The following ITGBL1 variants were observed in gnomAD, a reference collection of about 807,000 sequenced individuals.
The protein encoded by ITGBL1 is integrin beta-like protein 1.
ITGBL1 carries 51 observed loss-of-function variants against 68.5 expected under a neutral mutation model. That is an observed-to-expected ratio of 0.74 (90% CI 0.59 to 0.94). ITGBL1 has a LOEUF of 0.94. Ranked by LOEUF, ITGBL1 falls within the 40% of genes least tolerant of loss-of-function variation. The pLI, the probability that ITGBL1 is intolerant of heterozygous loss-of-function variation, is 0.00. For missense variants in ITGBL1, 649 were observed against 647.4 expected, an observed-to-expected ratio of 1.00 and a Z score of -0.03; for synonymous variants, 209 against 227.3, an observed-to-expected ratio of 0.92 and a Z score of 0.72.
intron 7 of ITGBL1, among the ~76,000 whole-genome samples, chr13:101,656,359 C>G (rs896774523): frequency 1.3e-5 from 2 of 152,110 alleles, no homozygotes; most frequent in Admixed American, 6.5e-5. Flanking sequence ...GTTTTCCCCC[C>G]ACAAAGGACA....
chr13:101,646,719 A>C (rs1385899079), intron 7 of ITGBL1, among the ~76,000 whole-genome samples: 2 of 152,186 alleles, frequency 1.3e-5, no homozygotes, highest in Admixed American at 1.3e-4. Flanking sequence ...GCAACCTAAA[A>C]ATCTAATAAG....
intron 7 of ITGBL1, among the ~76,000 whole-genome samples, chr13:101,673,957 A>G (rs760400778): frequency 6.6e-6 from 1 of 152,210 alleles, no homozygotes; most frequent in Non-Finnish European, 1.5e-5. Flanking sequence ...ATGAAAATCT[A>G]ACCACAGAAT....
At chr13:101,652,820 G>A (rs774997565) in intron 7 of ITGBL1, among the ~76,000 whole-genome samples, 3 of 152,074 alleles carry the variant, frequency 2.0e-5, no homozygotes, top group East Asian at 1.9e-4. Context: ...TTGAGCGGCC[G>A]GGTGTGGTGG....
chr13:101,649,705 T>C (rs1395588627), intron 7 of ITGBL1, among the ~76,000 whole-genome samples: 1 of 152,226 alleles, frequency 6.6e-6, no homozygotes, highest in Non-Finnish European at 1.5e-5. Context: ...CTGACCAGCC[T>C]ATTACTCATC....
intron 7 of ITGBL1, among the ~76,000 whole-genome samples, chr13:101,666,160 A>C (rs1157820372): frequency 1.3e-5 from 2 of 152,076 alleles, no homozygotes; most frequent in Non-Finnish European, 2.9e-5. Flanking sequence ...GACTGACATA[A>C]TCTGGTATCA....
chr13:101,461,194 T>C (rs1594822474), intron 2 of ITGBL1, among the ~76,000 whole-genome samples: 1 of 152,182 alleles, frequency 6.6e-6, no homozygotes, highest in East Asian at 1.9e-4. Flanking sequence ...TATTACAAAT[T>C]TTAAATTTGC....
chr13:101,627,443 C>A (rs978872958), intron 7 of ITGBL1, among the ~76,000 whole-genome samples: 1 of 152,028 alleles, frequency 6.6e-6, no homozygotes. Context: ...AAGTCAGGAA[C>A]CTACATTTAC....
intron 2 of ITGBL1, among the ~76,000 whole-genome samples, chr13:101,489,050 A>T (rs1172681644): frequency 6.6e-6 from 1 of 152,190 alleles, no homozygotes; most frequent in African/African-American, 2.4e-5. Flanking sequence ...CTTAATGCTA[A>T]TGCCTCCAAA....
At chr13:101,527,588 C>T (rs1420190391) in intron 2 of ITGBL1, among the ~76,000 whole-genome samples, 2 of 144,336 alleles carry the variant, frequency 1.4e-5, no homozygotes, top group Non-Finnish European at 3.0e-5. Context: ...TGCAATAATA[C>T]ATTTAATTTT....
chr13:101,605,930 G>A (rs1158944441), intron 7 of ITGBL1, among the ~76,000 whole-genome samples: 2 of 146,446 alleles, frequency 1.4e-5, no homozygotes, highest in African/African-American at 5.0e-5. Flanking sequence ...ATAGACATAT[G>A]TATGCGTGTA....
chr13:101,653,179 A>AGAG (rs751673799), intron 7 of ITGBL1, among the ~76,000 whole-genome samples: 4 of 150,090 alleles, frequency 2.7e-5, no homozygotes, highest in Admixed American at 6.7e-5. Flanking sequence ...GAAGAGAAGA[A>AGAG]GAGGAGGAGG....
At chr13:101,484,009 A>G (rs9585713) in intron 2 of ITGBL1, among the ~76,000 whole-genome samples, 10,615 of 152,062 alleles carry the variant, frequency 0.07, 541 homozygotes, top group East Asian at 0.28. Context: ...GAACTTCGTC[A>G]TGATTTTTCT....
intron 7 of ITGBL1, among the ~76,000 whole-genome samples, chr13:101,628,242 T>C (rs2893072): frequency 0.8 from 121,429 of 152,102 alleles, 48,652 homozygotes; most frequent in African/African-American, 0.88. Flanking sequence ...ATCTGTATGT[T>C]TTCTTTAATA....
chr13:101,656,802 A>G (rs1190117118), intron 7 of ITGBL1, among the ~76,000 whole-genome samples: 1 of 152,120 alleles, frequency 6.6e-6, no homozygotes, highest in Non-Finnish European at 1.5e-5. Flanking sequence ...AGTCTACATC[A>G]TCTGTTTTTG....
At chr13:101,514,465 G>T (rs2049164608) in intron 2 of ITGBL1, among the ~76,000 whole-genome samples, 2 of 151,688 alleles carry the variant, frequency 1.3e-5, no homozygotes, top group South Asian at 2.1e-4. Context: ...ATTTTTTTTG[G>T]TTAGGAATCA....
chr13:101,637,493 G>A (rs943388634), intron 7 of ITGBL1, among the ~76,000 whole-genome samples: 2 of 151,834 alleles, frequency 1.3e-5, no homozygotes, highest in Non-Finnish European at 2.9e-5. Context: ...ACAGGCACGT[G>A]CCACCACACC....
chr13:101,536,434 C>T (rs937745743), intron 2 of ITGBL1, among the ~76,000 whole-genome samples: 7 of 151,916 alleles, frequency 4.6e-5, no homozygotes, highest in African/African-American at 7.2e-5. Flanking sequence ...CATGAGGGCA[C>T]GCATTTTCTT....
chr13:101,692,873 TC>T (rs2033914254), intron 8 of ITGBL1, 172 bp downstream of exon 8: 1 of 600,078 alleles, frequency 1.7e-6, no homozygotes, highest in Non-Finnish European at 3.0e-6. Context: ...GACTTTTATT[TC>T]CCTGAACTCT....
At chr13:101,476,140 ACTT>A (rs1262540138) in intron 2 of ITGBL1, among the ~76,000 whole-genome samples, 2 of 151,802 alleles carry the variant, frequency 1.3e-5, no homozygotes, top group African/African-American at 2.4e-5. Flanking sequence ...AACTCCAATA[ACTT>A]CTTAAGACAT....
Sources: allele counts gnomAD v4.1 joint callset (sites outside exome capture counted in the v4.1 genomes callset), GRCh38; gene constraint gnomAD v4.1.1; transcripts MANE v1.5; gene names NCBI Gene and HGNC (gene_info 2026-07-23, HGNC 2026-07-21).